MYOM2: variants seen among roughly 807,000 people sequenced by gnomAD.
MYOM2 encodes the protein myomesin-2.
In MYOM2, 254 loss-of-function variants were observed where a neutral mutation model predicts 187.6. The ratio of observed to expected loss-of-function variants is 1.35; its 90% confidence interval spans 1.22 to 1.50. The LOEUF (loss-of-function observed/expected upper bound fraction) is 1.50. MYOM2 is among the 40% of genes most tolerant of loss of function. The probability of loss-of-function intolerance (pLI) is 0.00; values close to 1 mark genes in which losing one functional copy is unlikely to be tolerated. For missense variants in MYOM2, 2,796 were observed against 1,924.0 expected (o/e 1.45, Z -8.48); for synonymous variants, 981 against 753.8 (o/e 1.30, Z -4.94).
Position 2,098,974 on chromosome 8 carries a change from C to G in MYOM2, c.2431C>G (p.Pro811Ala). The change falls in exon 19 of 37, where the codon CCG (proline) becomes GCG (alanine). Residue 811 changes from proline (P) to alanine (A), a missense_variant. Transcript: ENST00000262113. ...CTTCAAGTGTGAGGCCTGGACCATG[C>G]CGGAGCCCGGTGAGTCGCTGCCCCC... is the stretch of plus-strand genomic sequence containing the variant. ...EHFKCEAWTM[P>A]EPGPAYDLTF... 1 of 1,603,452 alleles carries G rather than the reference C, an allele frequency of 6.2e-7. No individual in the cohort carries two copies. Among genetic ancestry groups the G allele is most frequent in the Non-Finnish European group, 8.5e-7 (1 of 1,172,522 alleles).
Position 2,100,899 on chromosome 8 carries a change from T to G in MYOM2, c.2464T>G (p.Cys822Gly). The G allele has an allele frequency of 3.7e-6, 6 of 1,614,194 alleles. No individual in the cohort carries two copies. The highest frequency in any genetic ancestry group is 5.1e-6 in the Non-Finnish European group (6 of 1,180,032). The change falls in exon 20 of 37, where the codon TGT (cysteine) becomes GGT (glycine). Residue 822 changes from cysteine to glycine, a missense_variant. Cys to Gly is a radical substitution (Grantham distance 159). Coordinates refer to ENST00000262113, the MANE Select transcript of MYOM2 (RefSeq NM_003970.4). Reference protein sequence around the residue: ...EPGPAYDLTFCEVRDTSLVML... With the variant: ...EPGPAYDLTFGEVRDTSLVML... ...AGGTCCTGCCTACGACTTGACGTTC[T>G]GTGAGGTCAGGGACACGTCCTTGGT... is the stretch of plus-strand genomic sequence containing the variant.
At chr8:2,084,378 C>G (rs1330052858) in intron 13 of MYOM2, among the ~76,000 whole-genome samples, 1 of 152,228 alleles carries the variant, frequency 6.6e-6, no homozygotes, top group Non-Finnish European at 1.5e-5. Context: ...TGTTCAGTTC[C>G]TGGCCTGCTA....
At chr8:2,098,574 T>G (rs375494037) in intron 18 of MYOM2, among the ~76,000 whole-genome samples, 12 of 152,116 alleles carry the variant, frequency 7.9e-5, no homozygotes, top group African/African-American at 2.7e-4. Context: ...TACCTGCCGC[T>G]GGGGTATCAC....
At chr8:2,063,275 C>A (rs551747607) in intron 6 of MYOM2, among the ~76,000 whole-genome samples, 26 of 152,342 alleles carry the variant, frequency 1.7e-4, no homozygotes, top group African/African-American at 5.8e-4. Context: ...AATGTGTTGG[C>A]ACCCACCTCT....
intron 20 of MYOM2, 103 bp downstream of exon 20, chr8:2,101,157 C>G: frequency 8.5e-7 from 1 of 1,177,414 alleles, no homozygotes; most frequent in Non-Finnish European, 1.2e-6. Flanking sequence ...ACCAGCCTGG[C>G]CAACATGGAG....
At chr8:2,092,858 T>C (rs1445776082) in intron 16 of MYOM2, among the ~76,000 whole-genome samples, 2 of 152,220 alleles carry the variant, frequency 1.3e-5, no homozygotes, top group East Asian at 3.8e-4. Flanking sequence ...TTTATTTTTT[T>C]CGTATTGATT....
At chr8:2,060,122 C>G (rs561506806) in intron 6 of MYOM2, among the ~76,000 whole-genome samples, 2 of 152,238 alleles carry the variant, frequency 1.3e-5, no homozygotes, top group South Asian at 4.2e-4. Context: ...TTACTTTTCA[C>G]AAAAGACCCT....
rs1002059047 is a variant in MYOM2, at chr8:2,123,310, A to T, written c.3512A>T (p.Glu1171Val). 1 of 1,614,148 alleles carries T rather than the reference A, an allele frequency of 6.2e-7. No individual in the cohort carries two copies. Among genetic ancestry groups the T allele is most frequent in the East Asian group, 2.2e-5 (1 of 44,870 alleles). ...TGGCTCAAGGATGATGTTCTGTATG[A>T]AACGGAGACACTGCCTAACCTGGAG... Reference protein sequence around the residue: ...FKWLKDDVLYETETLPNLERG... With the variant: ...FKWLKDDVLYVTETLPNLERG... The change falls in exon 29 of 37, where the codon GAA (glutamate) becomes GTA (valine). Residue 1171 changes from glutamate (E) to valine (V), a missense_variant. Coordinates refer to ENST00000262113, the MANE Select transcript of MYOM2 (RefSeq NM_003970.4).
intron 3 of MYOM2, among the ~76,000 whole-genome samples, chr8:2,053,620 G>A (rs1818562339): frequency 6.6e-6 from 1 of 152,206 alleles, no homozygotes. Context: ...GCTGGAAATT[G>A]TCCTAAAACA....
At chr8:2,121,978 C>A (rs1486798656) in intron 28 of MYOM2, among the ~76,000 whole-genome samples, 1 of 152,138 alleles carries the variant, frequency 6.6e-6, no homozygotes, top group Non-Finnish European at 1.5e-5. Flanking sequence ...GGAATTAGAA[C>A]CGTCTCCCCC....
In MYOM2 at chr8:2,145,232, A is replaced by G. The variant is rs940790750; in HGVS notation, c.*251A>G. 1.8e-6 allele frequency: 1 copy of G among 570,114 alleles called. No homozygotes were observed. Among genetic ancestry groups the G allele is most frequent in the East Asian group, 3.0e-5 (1 of 33,672 alleles). 35.3% of individuals were successfully genotyped at this position (570,114 alleles called of 1,614,324 possible). ...GGTAGACGGCAGATGCCTGACAGAG[A>G]GTGGGTTGGCAGACAACACACTAGA... On this transcript the variant is annotated 3_prime_UTR_variant, in exon 37 of 37. Transcript: ENST00000262113.
chr8:2,065,298 C>T (rs569020342), intron 6 of MYOM2, among the ~76,000 whole-genome samples: 3 of 152,248 alleles, frequency 2.0e-5, no homozygotes, highest in East Asian at 1.9e-4. Flanking sequence ...AGGCCAGGCA[C>T]GGTGGCTCAT....
At chr8:2,103,169 G>A (rs989190525) in intron 21 of MYOM2, among the ~76,000 whole-genome samples, 3 of 151,300 alleles carry the variant, frequency 2.0e-5, no homozygotes, top group Admixed American at 6.6e-5. Context: ...CGCATGTATT[G>A]TGTGTATGGA....
At chr8:2,053,025 G>A (rs1818543995) in intron 3 of MYOM2, among the ~76,000 whole-genome samples, 1 of 152,208 alleles carries the variant, frequency 6.6e-6, no homozygotes. Flanking sequence ...AGGACAAAGT[G>A]AACAGTTAAA....
chr8:2,140,718 T>C lies in MYOM2; in HGVS notation c.3801-5T>C. On this transcript the variant is annotated splice_region_variant and splice_polypyrimidine_tract_variant and intron_variant, in intron 32 of 36. Transcript: ENST00000262113. ...CTCAGATACGTTCCTGTTGCTCTTT[T>C]CAAGAGATGCTAAGATCTCATCCAG... 1.2e-6 allele frequency: 2 copies of C among 1,613,452 alleles called. No homozygotes were observed. The highest frequency in any genetic ancestry group is 1.7e-6 in the Non-Finnish European group (2 of 1,179,616).
intron 11 of MYOM2, 129 bp downstream of exon 11, chr8:2,076,411 T>A (rs945883289): frequency 5.0e-6 from 6 of 1,197,382 alleles, no homozygotes; most frequent in Non-Finnish European, 6.8e-6. Flanking sequence ...GGTACATGGC[T>A]AATTGGTTGT....
intron 3 of MYOM2, among the ~76,000 whole-genome samples, chr8:2,054,666 A>T (rs1818597366): frequency 6.6e-6 from 1 of 152,212 alleles, no homozygotes; most frequent in Non-Finnish European, 1.5e-5. Flanking sequence ...CTCAAACATA[A>T]AGAGCCCATA....
chr8:2,067,271 C>T (rs573071830), intron 6 of MYOM2, among the ~76,000 whole-genome samples: 2 of 152,276 alleles, frequency 1.3e-5, no homozygotes, highest in East Asian at 3.9e-4. Context: ...CTTCTTAATG[C>T]ATTTGAAAAG....
intron 32 of MYOM2, among the ~76,000 whole-genome samples, chr8:2,136,186 G>A (rs1296106752): frequency 1.3e-5 from 2 of 152,216 alleles, no homozygotes; most frequent in Admixed American, 6.5e-5. Context: ...GCTGGGATTG[G>A]GGTTGAAGGT....
Sources: allele counts gnomAD v4.1 joint callset (sites outside exome capture counted in the v4.1 genomes callset), GRCh38; gene constraint gnomAD v4.1.1; transcripts MANE v1.5; gene names NCBI Gene and HGNC (gene_info 2026-07-23, HGNC 2026-07-21).